Variants in RBM41 observed in about 807,000 individuals in gnomAD.
The protein encoded by RBM41 is RNA binding motif protein 41, also known as RNA-binding protein 41.
Under a neutral mutation model 30.8 loss-of-function variants are expected in RBM41, and 14 were observed. The observed-to-expected ratio is 0.45, with a 90% confidence interval of 0.30 to 0.71. The LOEUF (loss-of-function observed/expected upper bound fraction) is 0.71, where lower values mean the gene tolerates loss of function less well. Among genes scored for constraint, RBM41 ranks in the 30% least tolerant of loss-of-function variants. The pLI, the probability that RBM41 is intolerant of heterozygous loss-of-function variation, is 0.08. For missense variants in RBM41, 276 were observed against 326.3 expected, an observed-to-expected ratio of 0.85 and a Z score of 1.19; for synonymous variants, 120 against 110.1, an observed-to-expected ratio of 1.09 and a Z score of -0.56.
intron 4 of RBM41, among the ~76,000 whole-genome samples, chrX:107,113,914 T>C (rs1021029431): frequency 9.8e-5 from 11 of 111,915 alleles, no homozygotes; most frequent in South Asian, 7.6e-4. Context: ...CCCAGTTCTA[T>C]ATATCTAGTT....
intron 5 of RBM41, among the ~76,000 whole-genome samples, chrX:107,101,429 A>G (rs977905464): frequency 2.7e-5 from 3 of 111,736 alleles, no homozygotes; most frequent in Non-Finnish European, 5.6e-5. Flanking sequence ...CTTTGCAGAT[A>G]TAATTAGTTA....
At chrX:107,061,587 T>C (rs755741042), downstream of RBM41, among the ~76,000 whole-genome samples, 4 of 112,148 alleles carry the variant, frequency 3.6e-5, no homozygotes, top group Admixed American at 1.9e-4. Context: ...GGTGGGCTTA[T>C]ATGTATATGT....
chrX:107,118,223 A>C (rs1925049833), intron 1 of RBM41, among the ~76,000 whole-genome samples: 1 of 77,774 alleles, frequency 1.3e-5, no homozygotes, highest in Admixed American at 1.5e-4. Context: ...CCACCCCATA[A>C]ATCGAACCGC....
chrX:107,076,360 TAAATAAAA>T (rs1936228218), intron 6 of RBM41, among the ~76,000 whole-genome samples: 1 of 105,002 alleles, frequency 9.5e-6, no homozygotes, highest in Admixed American at 1.0e-4. Context: ...AATAAATAAA[TAAATAAAA>T]TACAATGGAA....
intron 6 of RBM41, among the ~76,000 whole-genome samples, chrX:107,087,530 T>C (rs911387453): frequency 9.0e-6 from 1 of 111,386 alleles, no homozygotes; most frequent in African/African-American, 3.2e-5. Context: ...ATTCCAGATG[T>C]AACATATAAC....
At chrX:107,105,677 C>A (rs1431682627) in intron 5 of RBM41, among the ~76,000 whole-genome samples, 1 of 111,041 alleles carries the variant, frequency 9.0e-6, no homozygotes, top group Non-Finnish European at 1.9e-5. Flanking sequence ...GAGATATAGA[C>A]CAATGGAACA....
chrX:107,085,260 C>CTTT (rs1190566353), intron 6 of RBM41, among the ~76,000 whole-genome samples: 1 of 76,407 alleles, frequency 1.3e-5, no homozygotes, highest in Non-Finnish European at 2.3e-5. Flanking sequence ...TTTTCTTTTT[C>CTTT]TTTTTTTTTT....
At chrX:107,103,879 G>A (rs1056327556) in intron 5 of RBM41, among the ~76,000 whole-genome samples, 5 of 111,451 alleles carry the variant, frequency 4.5e-5, no homozygotes, top group African/African-American at 1.3e-4. Context: ...GAGACTTTCT[G>A]TGGTGATAGT....
chrX:107,118,759 T>G lies in RBM41; in HGVS notation c.8+7A>C. ...CCTTGCCGCCTGCTCTTCAGACAAG[T>G]CCTTACCTCTTCATGTTTCCACAGG... On this transcript the variant is annotated splice_region_variant and intron_variant, in intron 1 of 7. Transcript: ENST00000685964. 3.3e-6 allele frequency: 4 copies of G among 1,211,760 alleles called. No individual in the cohort carries two copies. Among genetic ancestry groups the G allele is most frequent in the Non-Finnish European group, 4.5e-6 (4 of 895,475 alleles).
chrX:107,062,146 A>C lies in RBM41; in HGVS notation c.*5381T>G, dbSNP rs973335590. ...TTTTGCTTTTTGAGAAAATAATATG[A>C]ATGGAATCAAACAGTAAGCAGCCTT... is the stretch of plus-strand genomic sequence containing the variant. On this transcript the variant is annotated 3_prime_UTR_variant, in exon 8 of 8. Coordinates refer to ENST00000685964, the MANE Select transcript of RBM41 (RefSeq NM_001324242.2). Among the ~76,000 whole-genome samples the C allele has an allele frequency of 1.8e-5, 2 of 112,265 alleles. No homozygotes were observed. Among genetic ancestry groups the C allele is most frequent in the African/African-American group, 6.5e-5 (2 of 30,878 alleles).
At chrX:107,059,682 TGTAA>T (rs1935611243), downstream of RBM41, among the ~76,000 whole-genome samples, 1 of 111,566 alleles carries the variant, frequency 9.0e-6, no homozygotes, top group Non-Finnish European at 1.9e-5. Context: ...TTTGAACACA[TGTAA>T]GTATTTCTAT....
intron 5 of RBM41, among the ~76,000 whole-genome samples, chrX:107,101,704 TTC>T (rs1294059930): frequency 3.6e-5 from 4 of 112,177 alleles, no homozygotes; most frequent in Non-Finnish European, 5.6e-5. Flanking sequence ...GGGAATAACT[TTC>T]TGTTGTTTTA....
intron 5 of RBM41, among the ~76,000 whole-genome samples, chrX:107,093,604 T>TA (rs1922736510): frequency 8.9e-6 from 1 of 112,067 alleles, no homozygotes; most frequent in Admixed American, 9.4e-5. Context: ...ATCCATATGA[T>TA]AGACAGTTAA....
downstream of RBM41, among the ~76,000 whole-genome samples, chrX:107,057,383 GTC>G (rs1935597656): frequency 9.0e-6 from 1 of 111,617 alleles, no homozygotes; most frequent in African/African-American, 3.3e-5. Context: ...GTTTTCATTT[GTC>G]TCTTTTTGTT....
chrX:107,099,914 G>A (rs751491578), intron 5 of RBM41, among the ~76,000 whole-genome samples: 1 of 111,845 alleles, frequency 8.9e-6, no homozygotes, highest in Admixed American at 9.5e-5. Flanking sequence ...TTGTTCTTAG[G>A]AGATACACAA....
At chrX:107,089,696 T>C (rs1922343914) in intron 5 of RBM41, among the ~76,000 whole-genome samples, 2 of 111,983 alleles carry the variant, frequency 1.8e-5, no homozygotes, top group Admixed American at 1.9e-4. Context: ...TATAGACAGA[T>C]ATGTACTTCC....
intron 6 of RBM41, among the ~76,000 whole-genome samples, chrX:107,078,105 A>C (rs1921150149): frequency 8.9e-6 from 1 of 111,839 alleles, no homozygotes; most frequent in African/African-American, 3.3e-5. Flanking sequence ...AGAAAACCAC[A>C]CAGGAGAAGT....
At position 107,076,058 on chromosome X, in the gene RBM41, C is replaced by T. The variant is rs1936213267; in HGVS notation, c.1000-6656G>A. On this transcript the variant is annotated intron_variant, in intron 6 of 7. Coordinates refer to ENST00000685964, the MANE Select transcript of RBM41 (RefSeq NM_001324242.2). ...GGGGGCTGGGTGTGGTGGCTCACGC[C>T]TGTAATCTCAGCATTTTGGGAGGCT... is the stretch of plus-strand genomic sequence containing the variant. Among the ~76,000 whole-genome samples the T allele has an allele frequency of 2.7e-5, 3 of 110,943 alleles. No homozygotes were observed. In the South Asian group the frequency reaches 1.1e-3, roughly 42 times the overall value.
At chrX:107,093,786 T>C (rs1922751995) in intron 5 of RBM41, among the ~76,000 whole-genome samples, 1 of 110,694 alleles carries the variant, frequency 9.0e-6, no homozygotes, top group African/African-American at 3.3e-5. Flanking sequence ...TAGAGAAAAA[T>C]CAACAAAACC....
Sources: allele counts gnomAD v4.1 joint callset (sites outside exome capture counted in the v4.1 genomes callset), GRCh38; gene constraint gnomAD v4.1.1; transcripts MANE v1.5; gene names NCBI Gene and HGNC (gene_info 2026-07-23, HGNC 2026-07-21).